CEP112: variants seen among roughly 807,000 people sequenced by gnomAD.
The protein encoded by CEP112 is centrosomal protein 112, also known as centrosomal protein of 112 kDa.
In CEP112, 127 loss-of-function variants were observed where a neutral mutation model predicts 153.0. The observed-to-expected ratio is 0.83, with a 90% CI of 0.72 to 0.96. CEP112 has a LOEUF of 0.96. Among genes scored for constraint, CEP112 ranks in the 40% least tolerant of loss-of-function variants. The pLI is 0.00. For missense variants in CEP112, 1,089 were observed against 1,101.2 expected (o/e 0.99, Z 0.16); for synonymous variants, 358 against 374.4 (o/e 0.96, Z 0.51).
intron 18 of CEP112, among the ~76,000 whole-genome samples, chr17:65,937,353 ATCCCATCTAGGAAGTGAGGAGCG>A: frequency 1.0e-5 from 1 of 95,676 alleles, no homozygotes; most frequent in African/African-American, 5.1e-5. Context: ...CCCGGCCGCC[ATCCCATCTAGGAAGTGAGGAGCG>A]TCTCTGCCCG....
chr17:66,137,914 TTACTC>T (rs1294540343), intron 4 of CEP112, among the ~76,000 whole-genome samples: 1 of 152,130 alleles, frequency 6.6e-6, no homozygotes, highest in Non-Finnish European at 1.5e-5. Context: ...AAAATACAGA[TTACTC>T]TATTGATATA....
chr17:65,785,085 A>G (rs1264726432), intron 21 of CEP112, among the ~76,000 whole-genome samples: 1 of 152,188 alleles, frequency 6.6e-6, no homozygotes, highest in African/African-American at 2.4e-5. Context: ...CATACAACAT[A>G]TGACCTTTCA....
At chr17:65,997,842 A>G (rs1412100355) in intron 17 of CEP112, among the ~76,000 whole-genome samples, 1 of 151,764 alleles carries the variant, frequency 6.6e-6, no homozygotes, top group African/African-American at 2.4e-5. Context: ...CTCTTGTATC[A>G]AAGTTAAAAT....
intron 16 of CEP112, among the ~76,000 whole-genome samples, chr17:66,018,815 T>C (rs2064878338): frequency 6.6e-6 from 1 of 152,228 alleles, no homozygotes; most frequent in African/African-American, 2.4e-5. Context: ...GATATTTCAA[T>C]TCAGTACATT....
intron 18 of CEP112, among the ~76,000 whole-genome samples, chr17:65,942,153 C>A (rs1356278024): frequency 6.8e-6 from 1 of 147,194 alleles, no homozygotes; most frequent in Non-Finnish European, 1.5e-5. Flanking sequence ...CACCTAAGCT[C>A]CACCTCCTGT....
chr17:66,187,094 C>T (rs2072966082), intron 1 of CEP112, among the ~76,000 whole-genome samples: 1 of 152,170 alleles, frequency 6.6e-6, no homozygotes. Context: ...TCAAAATCTG[C>T]CTGCTTCTCT....
chr17:65,750,219 C>G (rs2051737673), intron 22 of CEP112, among the ~76,000 whole-genome samples: 1 of 152,158 alleles, frequency 6.6e-6, no homozygotes, highest in African/African-American at 2.4e-5. Flanking sequence ...GCAGACTTAA[C>G]CTAGAATTAT....
chr17:66,038,572 G>C (rs2145811132), intron 12 of CEP112, among the ~76,000 whole-genome samples: 1 of 152,280 alleles, frequency 6.6e-6, no homozygotes, highest in African/African-American at 2.4e-5. Context: ...TAAAAACTTA[G>C]TCAAGAAAAA....
At chr17:65,881,374 T>C (rs1313257945) in intron 20 of CEP112, among the ~76,000 whole-genome samples, 1 of 151,812 alleles carries the variant, frequency 6.6e-6, no homozygotes, top group Non-Finnish European at 1.5e-5. Context: ...GTTTTACACA[T>C]TAACTTCAGA....
intron 21 of CEP112, among the ~76,000 whole-genome samples, chr17:65,803,964 T>A (rs1324939828): frequency 6.6e-6 from 1 of 152,208 alleles, no homozygotes; most frequent in Non-Finnish European, 1.5e-5. Flanking sequence ...CCACTGTGTG[T>A]GTGTAGCACA....
At chr17:65,953,907 G>T (rs1393738486) in intron 18 of CEP112, among the ~76,000 whole-genome samples, 1 of 152,066 alleles carries the variant, frequency 6.6e-6, no homozygotes, top group East Asian at 1.9e-4. Flanking sequence ...GTAATCTTTT[G>T]TGAGCTCTAT....
chr17:65,688,991 C>T (rs558163909), intron 24 of CEP112, 138 bp downstream of exon 24: 2 of 585,284 alleles, frequency 3.4e-6, no homozygotes, highest in Non-Finnish European at 6.2e-6. Flanking sequence ...TAGTCTCGAA[C>T]TCCTAACTTC....
At chr17:65,812,850 T>A (rs2056060809) in intron 21 of CEP112, among the ~76,000 whole-genome samples, 1 of 152,114 alleles carries the variant, frequency 6.6e-6, no homozygotes, top group Non-Finnish European at 1.5e-5. Flanking sequence ...AAGTAACACG[T>A]TTAAAATATA....
chr17:65,838,371 A>G (rs2057399511), intron 21 of CEP112, among the ~76,000 whole-genome samples: 1 of 152,220 alleles, frequency 6.6e-6, no homozygotes, highest in East Asian at 1.9e-4. Context: ...GTACAAATCC[A>G]TGGATATTAA....
chr17:65,933,639 C>T (rs375345653), intron 18 of CEP112, among the ~76,000 whole-genome samples: 9 of 152,168 alleles, frequency 5.9e-5, no homozygotes, highest in African/African-American at 1.7e-4. Flanking sequence ...CCTCCATCTT[C>T]CCCCGAAAAT....
chr17:65,963,109 A>G (rs2144789435), intron 17 of CEP112, among the ~76,000 whole-genome samples: 1 of 152,306 alleles, frequency 6.6e-6, no homozygotes, highest in South Asian at 2.1e-4. Context: ...CCAGTCCTGA[A>G]AGTGTGCTTC....
At chr17:66,139,180 AAG>A (rs2070574038) in intron 4 of CEP112, among the ~76,000 whole-genome samples, 1 of 152,190 alleles carries the variant, frequency 6.6e-6, no homozygotes. Flanking sequence ...AAATGAAACT[AAG>A]AGTTGATTTA....
chr17:66,078,252 CTT>C (rs1319736213), intron 8 of CEP112, among the ~76,000 whole-genome samples: 5 of 138,194 alleles, frequency 3.6e-5, no homozygotes, highest in African/African-American at 1.4e-4. Flanking sequence ...TTTTTCTTTT[CTT>C]TTCTTTTTCT....
intron 8 of CEP112, among the ~76,000 whole-genome samples, chr17:66,089,461 T>A (rs1261693574): frequency 1.3e-5 from 2 of 152,150 alleles, no homozygotes; most frequent in Non-Finnish European, 2.9e-5. Context: ...AAACAGTAAG[T>A]GTATAAAATG....
Sources: allele counts gnomAD v4.1 joint callset (sites outside exome capture counted in the v4.1 genomes callset), GRCh38; gene constraint gnomAD v4.1.1; transcripts MANE v1.5; gene names NCBI Gene and HGNC (gene_info 2026-07-23, HGNC 2026-07-21).